CNTN3: variants seen among roughly 807,000 people sequenced by gnomAD.
CNTN3 encodes contactin-3.
Under a neutral mutation model 119.1 loss-of-function variants are expected in CNTN3, and 60 were observed. That is an observed-to-expected ratio of 0.50 (90% CI 0.41 to 0.62). The LOEUF (loss-of-function observed/expected upper bound fraction) is 0.62, where lower values mean the gene tolerates loss of function less well. Among genes scored for constraint, CNTN3 ranks in the 20% least tolerant of loss-of-function variants. The pLI is 0.00. For missense variants in CNTN3, 1,101 were observed against 1,242.4 expected, an observed-to-expected ratio of 0.89 and a Z score of 1.71; for synonymous variants, 450 against 438.7, an observed-to-expected ratio of 1.03 and a Z score of -0.32.
rs185985609 is a variant in CNTN3, at chr3:74,287,070, A to G, written c.2518-1579T>C. Among the ~76,000 whole-genome samples the G allele has an allele frequency of 3.9e-5, 6 of 152,352 alleles. No individual in the cohort carries two copies. In the East Asian group the frequency reaches 1.2e-3, roughly 29 times the overall value. On this transcript the variant is annotated intron_variant, in intron 19 of 22. Coordinates refer to ENST00000263665, the MANE Select transcript of CNTN3 (RefSeq NM_020872.3). ...TGTTGAATTGTTGAATGACCTGAACATAGTTTAAAAATGCCTCCCTCCTTC... is the reference window on the plus strand; with the variant it reads ...TGTTGAATTGTTGAATGACCTGAACGTAGTTTAAAAATGCCTCCCTCCTTC...
chr3:74,561,805 T>C (rs1005413547), intron 1 of CNTN3, among the ~76,000 whole-genome samples: 3 of 152,192 alleles, frequency 2.0e-5, no homozygotes, highest in Non-Finnish European at 4.4e-5. Flanking sequence ...TCATGCATCA[T>C]TAGAACTTAA....
chr3:74,513,756 G>A (rs914054198), intron 2 of CNTN3, among the ~76,000 whole-genome samples: 1 of 152,078 alleles, frequency 6.6e-6, no homozygotes, highest in Admixed American at 6.6e-5. Context: ...TGTCCTTGTA[G>A]TTAAGAGGAA....
intron 4 of CNTN3, among the ~76,000 whole-genome samples, chr3:74,485,112 C>T (rs1391180291): frequency 6.6e-6 from 1 of 151,840 alleles, no homozygotes; most frequent in Non-Finnish European, 1.5e-5. Context: ...AAGACTATTA[C>T]ATATATATTT....
intron 4 of CNTN3, among the ~76,000 whole-genome samples, chr3:74,430,237 C>A (rs889992172): frequency 2.6e-5 from 4 of 152,106 alleles, no homozygotes; most frequent in Non-Finnish European, 5.9e-5. Context: ...CTGGAAACAA[C>A]CCAAGTTCCT....
chr3:74,508,084 C>G (rs1301184467), intron 2 of CNTN3, among the ~76,000 whole-genome samples: 1 of 152,108 alleles, frequency 6.6e-6, no homozygotes, highest in Admixed American at 6.6e-5. Context: ...CCACCCAAAT[C>G]TCATCTTGAA....
intron 4 of CNTN3, among the ~76,000 whole-genome samples, chr3:74,446,475 C>T (rs1354326234): frequency 6.6e-6 from 1 of 152,030 alleles, no homozygotes; most frequent in Non-Finnish European, 1.5e-5. Flanking sequence ...TAGAGCTGTG[C>T]TGTCCAGTAA....
chr3:74,323,549 AT>A (rs1178015933), intron 13 of CNTN3, among the ~76,000 whole-genome samples: 2 of 152,180 alleles, frequency 1.3e-5, no homozygotes, highest in Non-Finnish European at 2.9e-5. Context: ...CTCTGTGAAT[AT>A]GTTAGAAGCC....
intron 1 of CNTN3, among the ~76,000 whole-genome samples, chr3:74,592,708 C>T (rs1424649936): frequency 6.6e-6 from 1 of 152,006 alleles, no homozygotes; most frequent in African/African-American, 2.4e-5. Context: ...ACATCTAACC[C>T]ACATCTAACA....
At chr3:74,598,144 C>A (rs1436590964) in intron 1 of CNTN3, among the ~76,000 whole-genome samples, 2 of 152,052 alleles carry the variant, frequency 1.3e-5, no homozygotes, top group Non-Finnish European at 2.9e-5. Context: ...CTTTAACCAA[C>A]ATAAAGTGGG....
chr3:74,488,909 T>A (rs185614520), intron 3 of CNTN3, among the ~76,000 whole-genome samples: 1 of 152,318 alleles, frequency 6.6e-6, no homozygotes, highest in Non-Finnish European at 1.5e-5. Flanking sequence ...AACTCTCTTA[T>A]TATCCTTCCC....
chr3:74,324,636 A>G (rs1339606078), intron 13 of CNTN3, among the ~76,000 whole-genome samples: 1 of 152,164 alleles, frequency 6.6e-6, no homozygotes, highest in Non-Finnish European at 1.5e-5. Context: ...CTTCTCTAAC[A>G]TCCCAAAATA....
chr3:74,378,273 A>C (rs1295392638), intron 5 of CNTN3, among the ~76,000 whole-genome samples: 1 of 152,220 alleles, frequency 6.6e-6, no homozygotes, highest in Non-Finnish European at 1.5e-5. Flanking sequence ...CAAATAACAC[A>C]TAGTCAATGG....
chr3:74,549,972 C>A (rs9831322), intron 1 of CNTN3, among the ~76,000 whole-genome samples: 43 of 152,142 alleles, frequency 2.8e-4, no homozygotes, highest in African/African-American at 9.9e-4. Flanking sequence ...GAGAAAGATG[C>A]CTGTTAATGG....
chr3:74,595,822 G>A (rs1191618554), intron 1 of CNTN3, among the ~76,000 whole-genome samples: 1 of 152,098 alleles, frequency 6.6e-6, no homozygotes, highest in Non-Finnish European at 1.5e-5. Context: ...TCAACGTAGT[G>A]TTGGAAGTTC....
intron 2 of CNTN3, among the ~76,000 whole-genome samples, chr3:74,507,445 C>T (rs1051884705): frequency 4.7e-5 from 7 of 148,730 alleles, no homozygotes; most frequent in East Asian, 2.0e-4. Context: ...AGAACTAATA[C>T]GACTTAGTGA....
rs1200871043 is a variant in CNTN3 at position 74,614,490 on chromosome 3, G to GC, written c.-181dup. ...ACCGCCGCCGCCGCAGTTAGTCCGG[G>GC]CCCGGGGGGCCGCCGTGCGCGCCCG... On this transcript the variant is annotated 5_prime_UTR_variant, in exon 1 of 23. Coordinates refer to ENST00000263665, the MANE Select transcript of CNTN3 (RefSeq NM_020872.3). 6.9e-6 allele frequency among the ~76,000 whole-genome samples: 1 copy of GC among 144,584 alleles called. No individual in the cohort carries two copies. Among genetic ancestry groups the GC allele is most frequent in the Non-Finnish European group, 1.5e-5 (1 of 65,332 alleles). The allele number at this position is 144,584 out of a possible 152,430, so 94.9% of individuals were successfully genotyped here. A position where few individuals can be genotyped will look rare whatever the true frequency, so the allele number is the denominator to read the frequency against.
In CNTN3 at chr3:74,439,770, A is replaced by G. The variant is rs189327858; in HGVS notation, c.359-14830T>C. Among the ~76,000 whole-genome samples, 40 of 152,310 alleles carry G rather than the reference A, an allele frequency of 2.6e-4. No homozygotes were observed. The East Asian group carries it at 6.6e-3, about 25-fold the overall frequency. On this transcript the variant is annotated intron_variant, in intron 4 of 22. Transcript: ENST00000263665. ...ATAGAAACTTCACCTACAAAAGGTG[A>G]AAAAGATAATATGTCCAATTTGAAA...
At chr3:74,293,321 C>T (rs1702273129) in intron 19 of CNTN3, among the ~76,000 whole-genome samples, 2 of 152,094 alleles carry the variant, frequency 1.3e-5, no homozygotes, top group East Asian at 1.9e-4. Context: ...TAATTCAAGT[C>T]GATGCTTGTT....
intron 4 of CNTN3, among the ~76,000 whole-genome samples, chr3:74,465,580 A>C (rs2106986101): frequency 6.6e-6 from 1 of 152,328 alleles, no homozygotes; most frequent in Middle Eastern, 3.4e-3. Flanking sequence ...TTCTTCTTAT[A>C]TCTATCCAGA....
Sources: gnomAD v4.1 joint callset for allele counts (sites outside exome capture counted in the v4.1 genomes callset) on GRCh38, gnomAD v4.1.1 for gene constraint, MANE v1.5 for transcripts, NCBI Gene and HGNC (gene_info 2026-07-23, HGNC 2026-07-21) for gene names.